The following ANK2 variants were observed in gnomAD, a reference collection of about 807,000 sequenced individuals.
The protein encoded by ANK2 is ankyrin 2.
In ANK2, 83 loss-of-function variants were observed where a neutral mutation model predicts 360.5. The observed-to-expected ratio is 0.23, with a 90% CI of 0.19 to 0.28. The LOEUF (loss-of-function observed/expected upper bound fraction) is 0.28, where lower values mean the gene tolerates loss of function less well. Among genes scored for constraint, ANK2 ranks in the 10% least tolerant of loss-of-function variants. The pLI, the probability that ANK2 is intolerant of heterozygous loss-of-function variation, is 1.00. For missense variants in ANK2, 4,201 were observed against 4,795.7 expected (o/e 0.88, Z 3.66); for synonymous variants, 1,740 against 1,759.5 (o/e 0.99, Z 0.28).
Position 112,870,858 on chromosome 4 carries a change from A to G in ANK2, c.-39-33597A>G, listed in dbSNP as rs112116190. Among the ~76,000 whole-genome samples, 629 of 152,316 alleles carry G rather than the reference A, an allele frequency of 4.1e-3. 5 individuals are homozygous for G. The highest frequency in any genetic ancestry group is 0.014 in the African/African-American group (568 of 41,580). On this transcript the variant is annotated intron_variant, in intron 1 of 30. Transcript: ENST00000503271. The stretch of plus-strand genomic sequence containing the variant: ...CACTGGAATTTTGATAGTGTACTGA[A>G]TTTGTAGATCACTTTGGGTAGTATT...
At chr4:113,160,300 A>C in intron 1 of ANK2, 1 of 412,584 alleles carries the variant, frequency 2.4e-6, no homozygotes, top group South Asian at 1.8e-5. Flanking sequence ...CCTGGAGCTC[A>C]AGTGATCCTC....
At chr4:112,714,331 C>T in the ANK2 span, among the ~76,000 whole-genome samples, 3 of 152,078 alleles carry the variant, frequency 2.0e-5, no homozygotes, top group African/African-American at 4.8e-5. Flanking sequence ...CAGAGGCACA[C>T]GCCACCATGC....
At chr4:113,189,144 G>A (rs541676034) in intron 2 of ANK2, among the ~76,000 whole-genome samples, 1 of 152,264 alleles carries the variant, frequency 6.6e-6, no homozygotes, top group African/African-American at 2.4e-5. Context: ...TGATTGCTCA[G>A]AGGAGAAAGT....
chr4:113,144,504 G>C (rs2096755719), intron 1 of ANK2, among the ~76,000 whole-genome samples: 1 of 151,662 alleles, frequency 6.6e-6, no homozygotes, highest in African/African-American at 2.4e-5. Context: ...AATGTAATAT[G>C]GTTAGTTTCT....
At chr4:112,780,148 C>T in the ANK2 span, among the ~76,000 whole-genome samples, 430 of 150,458 alleles carry the variant, frequency 2.9e-3, 2 homozygotes, top group African/African-American at 9.6e-3. Context: ...GATTGCGCCA[C>T]TGCACTCTAG....
chr4:112,800,635 T>G, the ANK2 span, among the ~76,000 whole-genome samples: 1 of 152,154 alleles, frequency 6.6e-6, no homozygotes, highest in Non-Finnish European at 1.5e-5. Flanking sequence ...AGAACCCCTT[T>G]TGAGAAAGTC....
chr4:113,196,763 TGCCTCA>T (rs2098753911), intron 3 of ANK2, among the ~76,000 whole-genome samples: 1 of 152,170 alleles, frequency 6.6e-6, no homozygotes, highest in Admixed American at 6.5e-5. Context: ...GCGATCCTCC[TGCCTCA>T]GCCTCCCAAA....
chr4:112,956,299 TC>T (rs35793082), intron 2 of ANK2, among the ~76,000 whole-genome samples: 1 of 152,198 alleles, frequency 6.6e-6, no homozygotes, highest in Admixed American at 6.5e-5. Context: ...TCTTCACAAT[TC>T]CATGGATAGA....
chr4:113,001,105 C>A (rs189071846), intron 2 of ANK2, among the ~76,000 whole-genome samples: 1 of 151,946 alleles, frequency 6.6e-6, no homozygotes, highest in East Asian at 1.9e-4. Flanking sequence ...GAGGCTGAGG[C>A]GGGTGGATCA....
At chr4:112,803,956 T>C in the ANK2 span, among the ~76,000 whole-genome samples, 1 of 151,924 alleles carries the variant, frequency 6.6e-6, no homozygotes, top group African/African-American at 2.4e-5. Context: ...AATAGTATAA[T>C]GAAGCCCCTT....
chr4:113,002,964 A>C (rs896108064), intron 2 of ANK2, among the ~76,000 whole-genome samples: 1 of 152,220 alleles, frequency 6.6e-6, no homozygotes, highest in East Asian at 1.9e-4. Context: ...CTTGGGAGAC[A>C]CTTATTCATC....
intron 2 of ANK2, among the ~76,000 whole-genome samples, chr4:112,943,743 C>T (rs1047405058): frequency 1.4e-4 from 21 of 151,980 alleles, no homozygotes; most frequent in African/African-American, 4.3e-4. Context: ...ATAGTAAAAT[C>T]GAGCCTACAT....
rs142818587 is a variant in ANK2 at position 113,073,341 on chromosome 4, A to T, written c.84+23529A>T. ...CAGCTAATTTATTTAAAAAATAATAACTAGAGGAGCTCTGATTCTTGACTG... is the reference window on the plus strand; with the variant it reads ...CAGCTAATTTATTTAAAAAATAATATCTAGAGGAGCTCTGATTCTTGACTG... On this transcript the variant is annotated intron_variant, in intron 1 of 45. Transcript: ENST00000357077. Among the ~76,000 whole-genome samples the T allele has an allele frequency of 1.9e-3, 296 of 152,204 alleles. 2 individuals are homozygous for T. Among genetic ancestry groups the T allele is most frequent in the African/African-American group, 6.7e-3 (280 of 41,528 alleles).
chr4:113,358,500 T>C lies in ANK2; in HGVS notation c.9882T>C (p.Asn3294=). The change falls in exon 38 of 46, where the codon AAT becomes AAC. Residue 3294 remains asparagine, a synonymous_variant. Transcript: ENST00000357077. ...AGATTCCTACTGCACCCATGGAGAA[T>C]GTGCCTTTTACTGAAAGCAAATCCA... ...VIEIPTAPME[N]VPFTESKSKI... is the part of the protein sequence containing the mutation. The C allele has an allele frequency of 6.2e-7, 1 of 1,614,094 alleles. No homozygotes were observed. The highest frequency in any genetic ancestry group is 8.5e-7 in the Non-Finnish European group (1 of 1,179,970).
chr4:112,753,337 C>T, the ANK2 span, among the ~76,000 whole-genome samples: 1 of 152,190 alleles, frequency 6.6e-6, no homozygotes, highest in Non-Finnish European at 1.5e-5. Flanking sequence ...AATAGGAATA[C>T]ATTCTGAGAA....
chr4:112,911,872 C>A (rs1436379336), intron 2 of ANK2, among the ~76,000 whole-genome samples: 1 of 152,128 alleles, frequency 6.6e-6, no homozygotes, highest in Non-Finnish European at 1.5e-5. Flanking sequence ...ATTATGTCTT[C>A]TTTGTTGTTA....
intron 1 of ANK2, among the ~76,000 whole-genome samples, chr4:113,158,411 A>G (rs2097382133): frequency 6.6e-6 from 1 of 152,192 alleles, no homozygotes; most frequent in Non-Finnish European, 1.5e-5. Flanking sequence ...TGACTACATT[A>G]TTAGTACAAA....
At chr4:113,313,363 A>C (rs1249668794) in intron 24 of ANK2, among the ~76,000 whole-genome samples, 4 of 152,194 alleles carry the variant, frequency 2.6e-5, no homozygotes, top group African/African-American at 9.6e-5. Flanking sequence ...CAAAGTACTT[A>C]GGTTGAGGAA....
At chr4:113,352,715 G>A (rs2095491835) in intron 37 of ANK2, among the ~76,000 whole-genome samples, 2 of 151,102 alleles carry the variant, frequency 1.3e-5, no homozygotes, top group Non-Finnish European at 2.9e-5. Flanking sequence ...TAATTTCACT[G>A]CGTTCTTTGT....
Sources: allele counts gnomAD v4.1 joint callset (sites outside exome capture counted in the v4.1 genomes callset), GRCh38; gene constraint gnomAD v4.1.1; transcripts MANE v1.5; gene names NCBI Gene and HGNC (gene_info 2026-07-23, HGNC 2026-07-21).